ENTPD7: variants seen among roughly 807,000 people sequenced by gnomAD.
ENTPD7 encodes NTPDase 7.
ENTPD7 carries 53 observed loss-of-function variants against 77.9 expected under a neutral mutation model. The ratio of observed to expected loss-of-function variants is 0.68; its 90% CI spans 0.55 to 0.85. The LOEUF is 0.85. Among genes scored for constraint, ENTPD7 ranks in the 40% least tolerant of loss-of-function variants. The pLI is 0.00. For missense variants in ENTPD7, 636 were observed against 743.7 expected (o/e 0.86, Z 1.68); for synonymous variants, 248 against 274.9 (o/e 0.90, Z 0.97).
At chr10:99,698,437 G>C in intron 9 of ENTPD7, 97 bp from the exon 10 acceptor site, 1 of 1,186,450 alleles carries the variant, frequency 8.4e-7, no homozygotes, top group Non-Finnish European at 1.2e-6. Flanking sequence ...ATGAAAACCA[G>C]TAGTAAGATA....
intron 12 of ENTPD7, among the ~76,000 whole-genome samples, chr10:99,703,941 G>T (rs2036194826): frequency 6.6e-6 from 1 of 152,076 alleles, no homozygotes; most frequent in Admixed American, 6.5e-5. Flanking sequence ...GACCAGGCTG[G>T]TTTTGAACTC....
intron 6 of ENTPD7, among the ~76,000 whole-genome samples, chr10:99,687,259 CTTTTTT>C (rs71009768): frequency 7.5e-4 from 22 of 29,526 alleles, no homozygotes; most frequent in African/African-American, 2.5e-3. Flanking sequence ...TTCTTTCTTT[CTTTTTT>C]TTTTTTTTTT....
At chr10:99,685,115 G>T (rs1373411352) in intron 5 of ENTPD7, among the ~76,000 whole-genome samples, 1 of 152,118 alleles carries the variant, frequency 6.6e-6, no homozygotes, top group Non-Finnish European at 1.5e-5. Flanking sequence ...AAATTAGCCG[G>T]GTGTGGTGAT....
At chr10:99,689,339 C>T (rs1173523659) in intron 7 of ENTPD7, among the ~76,000 whole-genome samples, 3 of 152,086 alleles carry the variant, frequency 2.0e-5, no homozygotes, top group Admixed American at 6.6e-5. Context: ...ATTAATATGT[C>T]TCTTTAGTCT....
At chr10:99,672,373 A>G (rs1274059421) in intron 3 of ENTPD7, among the ~76,000 whole-genome samples, 1 of 149,998 alleles carries the variant, frequency 6.7e-6, no homozygotes, top group Non-Finnish European at 1.5e-5. Flanking sequence ...TGGCGTGATC[A>G]TAGCTCACTG....
Position 99,709,214 on chromosome 10 carries a change from T to A in ENTPD7, c.*4531T>A, listed in dbSNP as rs966992763. ...CATTAAAGAACTTCGTTGTAATTCTTGGGCAGTTTCCAGACTCTGTTACAG... is the reference window on the plus strand; with the variant it reads ...CATTAAAGAACTTCGTTGTAATTCTAGGGCAGTTTCCAGACTCTGTTACAG... On this transcript the variant is annotated 3_prime_UTR_variant, in exon 13 of 13. Coordinates refer to ENST00000370489, the MANE Select transcript of ENTPD7 (RefSeq NM_020354.5). The A allele has an allele frequency of 1.0e-6, 1 of 985,320 alleles. No homozygotes were observed. Among genetic ancestry groups the A allele is most frequent in the African/African-American group, 1.7e-5 (1 of 57,246 alleles). 61.0% of individuals were successfully genotyped at this position (985,320 alleles called of 1,614,324 possible). A position where few individuals can be genotyped will look rare whatever the true frequency, so the allele number is the denominator to read the frequency against.
chr10:99,709,541 AATATTTTGATT>A lies in ENTPD7; in HGVS notation c.*4860_*4870del. On this transcript the variant is annotated 3_prime_UTR_variant, in exon 13 of 13. Transcript: ENST00000370489. ...AATAATAACAGGATTATTAGTCAAT[AATATTTTGATT>A]AATACTATAGAATAGCAACAGTGAA... 3.0e-6 allele frequency: 3 copies of A among 983,712 alleles called. No individual in the cohort carries two copies. Among genetic ancestry groups the A allele is most frequent in the Non-Finnish European group, 3.6e-6 (3 of 828,338 alleles). 60.9% of individuals were successfully genotyped at this position (983,712 alleles called of 1,614,324 possible).
At position 99,659,718 on chromosome 10, in the gene ENTPD7, G is replaced by A; in HGVS notation, c.-96+130G>A. 1 of 497,544 alleles carries A rather than the reference G, an allele frequency of 2.0e-6. No individual in the cohort carries two copies. Among genetic ancestry groups the A allele is most frequent in the Non-Finnish European group, 3.6e-6 (1 of 279,090 alleles). 30.8% of individuals were successfully genotyped at this position (497,544 alleles called of 1,614,324 possible). The stretch of plus-strand genomic sequence containing the variant: ...GGCCCACGAGAACGCCCCGCTCCCA[G>A]GATGCCCGGGTAGGGTCCCCTGGGC... On this transcript the variant is annotated intron_variant, in intron 1 of 12. Transcript: ENST00000370489. This position sits in a 1 kb window ranked among gnomAD's most constrained non-coding sequence, Gnocchi z 4.1.
chr10:99,681,737 T>C (rs1427804255), intron 5 of ENTPD7, among the ~76,000 whole-genome samples: 14 of 152,200 alleles, frequency 9.2e-5, no homozygotes, highest in African/African-American at 3.4e-4. Flanking sequence ...TCCTGACAAG[T>C]GTGAGGTGAT....
At chr10:99,665,067 A>G (rs1350691470) in intron 3 of ENTPD7, among the ~76,000 whole-genome samples, 2 of 152,002 alleles carry the variant, frequency 1.3e-5, no homozygotes, top group East Asian at 3.9e-4. Flanking sequence ...CCTGTGCAAC[A>G]TGGTGAAACT....
chr10:99,672,011 G>A (rs12265052), intron 3 of ENTPD7, among the ~76,000 whole-genome samples: 2,160 of 152,310 alleles, frequency 0.014, 55 homozygotes, highest in African/African-American at 0.05. Context: ...CAATAGAACA[G>A]TTCAGAGATT....
intron 3 of ENTPD7, among the ~76,000 whole-genome samples, chr10:99,674,479 C>T (rs999860390): frequency 1.6e-4 from 24 of 152,066 alleles, no homozygotes; most frequent in African/African-American, 2.4e-4. Flanking sequence ...CTCTTTCCAG[C>T]GAGCTGCTGG....
intron 5 of ENTPD7, among the ~76,000 whole-genome samples, chr10:99,683,190 A>G (rs2133465929): frequency 2.0e-5 from 3 of 152,296 alleles, no homozygotes; most frequent in Admixed American, 2.0e-4. Context: ...GGCTTATAAA[A>G]TCATTGCTGC....
At chr10:99,678,728 G>A (rs1052618850) in intron 3 of ENTPD7, among the ~76,000 whole-genome samples, 5 of 146,534 alleles carry the variant, frequency 3.4e-5, no homozygotes, top group African/African-American at 1.3e-4. Flanking sequence ...AGTGAGCTGA[G>A]ATCGTGCCAC....
At chr10:99,670,136 T>C (rs1044883873) in intron 3 of ENTPD7, among the ~76,000 whole-genome samples, 2 of 152,232 alleles carry the variant, frequency 1.3e-5, no homozygotes, top group Non-Finnish European at 2.9e-5. Flanking sequence ...ACATATCTTA[T>C]ATCCATTTAT....
chr10:99,678,996 C>T (rs974466177), intron 3 of ENTPD7, among the ~76,000 whole-genome samples: 24 of 151,484 alleles, frequency 1.6e-4, no homozygotes, highest in African/African-American at 5.6e-4. Flanking sequence ...AGATTGCTAC[C>T]TTAGCCAGTT....
At chr10:99,660,565 G>GAA in intron 2 of ENTPD7, 1 of 254,270 alleles carries the variant, frequency 3.9e-6, no homozygotes, top group Non-Finnish European at 8.1e-6. Flanking sequence ...CACACACAGA[G>GAA]ATATATTACT....
At chr10:99,684,558 T>G (rs1053962500) in intron 5 of ENTPD7, among the ~76,000 whole-genome samples, 6 of 152,230 alleles carry the variant, frequency 3.9e-5, no homozygotes, top group African/African-American at 1.4e-4. Context: ...AAACTATACT[T>G]GACATTATAC....
intron 7 of ENTPD7, 151 bp downstream of exon 7, chr10:99,688,901 ATTTCT>A: frequency 1.4e-6 from 1 of 729,068 alleles, no homozygotes; most frequent in Non-Finnish European, 2.3e-6. Context: ...GCTTTCTTTG[ATTTCT>A]TTTTAACTTT....
Sources: allele counts gnomAD v4.1 joint callset (sites outside exome capture counted in the v4.1 genomes callset), GRCh38; gene constraint gnomAD v4.1.1; non-coding constraint Gnocchi (gnomAD v3.1); transcripts MANE v1.5; gene names NCBI Gene and HGNC (gene_info 2026-07-23, HGNC 2026-07-21).